Variants in ENPP1 observed in about 807,000 individuals in gnomAD.
ENPP1 encodes the protein ectonucleotide pyrophosphatase/phosphodiesterase 1, also known as ectonucleotide pyrophosphatase/phosphodiesterase family member 1.
In ENPP1, 73 loss-of-function variants were observed where a neutral mutation model predicts 122.8. That is an observed-to-expected ratio of 0.59 (90% CI 0.49 to 0.72). ENPP1 has a LOEUF of 0.72. ENPP1 is among the 30% of genes least tolerant of loss of function. The pLI, the probability that ENPP1 is intolerant of heterozygous loss-of-function variation, is 0.00. For synonymous variants in ENPP1, 367 were observed against 391.6 expected, an observed-to-expected ratio of 0.94 and a Z score of 0.74; for missense variants, 978 against 1,128.1, an observed-to-expected ratio of 0.87 and a Z score of 1.91.
At chr6:131,815,871 ATTTTTTTTTTT>A (rs750091125) in intron 1 of ENPP1, among the ~76,000 whole-genome samples, 1 of 115,842 alleles carries the variant, frequency 8.6e-6, no homozygotes, top group African/African-American at 3.4e-5. Flanking sequence ...CACCTGGCTA[ATTTTTTTTTTT>A]TTTTTTTTTT....
At chr6:131,890,226 G>A (rs1390751687) in intron 24 of ENPP1, 115 bp from the exon 25 acceptor site, 55 of 837,662 alleles carry the variant, frequency 6.6e-5, no homozygotes, top group East Asian at 4.2e-4. Flanking sequence ...CATGTGGCAC[G>A]TTCCACTTCA....
At chr6:131,875,102 T>C (rs1385293605) in intron 16 of ENPP1, among the ~76,000 whole-genome samples, 4 of 152,138 alleles carry the variant, frequency 2.6e-5, no homozygotes, top group African/African-American at 7.2e-5. Flanking sequence ...ATACCACTTA[T>C]TGGGTACAAT....
At chr6:131,882,544 A>G (rs1207834172) in intron 21 of ENPP1, 70 bp downstream of exon 21, 4 of 1,037,512 alleles carry the variant, frequency 3.9e-6, no homozygotes, top group Non-Finnish European at 5.7e-6. Flanking sequence ...AAATCCTACC[A>G]TACATTATAG....
chr6:131,834,839 G>T (rs751976846), intron 1 of ENPP1, among the ~76,000 whole-genome samples: 1 of 152,162 alleles, frequency 6.6e-6, no homozygotes, highest in East Asian at 1.9e-4. Context: ...GATTACAGGC[G>T]TGAGCCACCG....
At chr6:131,835,685 C>T (rs1360891952) in intron 1 of ENPP1, among the ~76,000 whole-genome samples, 1 of 152,072 alleles carries the variant, frequency 6.6e-6, no homozygotes, top group Non-Finnish European at 1.5e-5. Flanking sequence ...GTATTAAGCC[C>T]AGCATCCATT....
chr6:131,811,151 T>C (rs114282847), intron 1 of ENPP1, among the ~76,000 whole-genome samples: 1,738 of 152,194 alleles, frequency 0.011, 45 homozygotes, highest in African/African-American at 0.039. Flanking sequence ...TGGTGTGATT[T>C]TACAGTCATG....
chr6:131,884,919 A>C lies in ENPP1; in HGVS notation c.2312-12A>C. 1 of 1,614,018 alleles carries C rather than the reference A, an allele frequency of 6.2e-7. No individual in the cohort carries two copies. Among genetic ancestry groups the C allele is most frequent in the Non-Finnish European group, 8.5e-7 (1 of 1,179,868 alleles). On this transcript the variant is annotated splice_polypyrimidine_tract_variant and intron_variant, in intron 22 of 24. Transcript: ENST00000647893. ...TTCTTTTGAAACTACACTGGCTTCT[A>C]TCTTGTTTCAGTTATATGGCGCTAC...
In ENPP1 at chr6:131,808,044, C is replaced by G. The variant is rs1229316288; in HGVS notation, c.9C>G (p.Arg3=). Residue 3 remains arginine (R), a synonymous_variant, in exon 1 of 25, where the codon CGC becomes CGG. Transcript: ENST00000647893. ME[R]DGCAGGGSRG... ...GAGCGGCCGGGGCCACGATGGAGCG[C>G]GACGGCTGCGCGGGGGGCGGGAGCC... The G allele has an allele frequency of 1.1e-6, 1 of 943,476 alleles. No individual in the cohort carries two copies. Among genetic ancestry groups the G allele is most frequent in the African/African-American group, 2.1e-5 (1 of 46,606 alleles). The allele number at this position is 943,476 out of a possible 1,614,324, so 58.4% of individuals were successfully genotyped here. A position where few individuals can be genotyped will look rare whatever the true frequency, so the allele number is the denominator to read the frequency against.
intron 7 of ENPP1, 92 bp downstream of exon 7, chr6:131,858,839 C>A: frequency 1.0e-6 from 1 of 982,806 alleles, no homozygotes; most frequent in Non-Finnish European, 1.6e-6. Flanking sequence ...AAAAGAAAAA[C>A]AACTTATTTT....
chr6:131,826,740 T>C (rs1397121786), intron 1 of ENPP1: 4 of 501,258 alleles, frequency 8.0e-6, no homozygotes, highest in Non-Finnish European at 1.1e-5. Context: ...TTGTGGGATC[T>C]GGGAGAGGCT....
chr6:131,889,253 C>A (rs1448432711), intron 24 of ENPP1, among the ~76,000 whole-genome samples: 1 of 152,134 alleles, frequency 6.6e-6, no homozygotes, highest in South Asian at 2.1e-4. Flanking sequence ...TTCAGGGGTA[C>A]ATGTGCAGGA....
chr6:131,883,849 G>A, intron 22 of ENPP1, 75 bp downstream of exon 22: 1 of 780,034 alleles, frequency 1.3e-6, no homozygotes, highest in East Asian at 2.5e-5. Context: ...TATGTAATAG[G>A]ACTTATGGTC....
At chr6:131,812,975 G>A (rs1781371900) in intron 1 of ENPP1, among the ~76,000 whole-genome samples, 1 of 152,036 alleles carries the variant, frequency 6.6e-6, no homozygotes, top group Non-Finnish European at 1.5e-5. Flanking sequence ...AAGTAGCTGG[G>A]ATTACAGGCA....
In ENPP1 at chr6:131,844,506, T is replaced by C. The variant is rs1031990132; in HGVS notation, c.241-3270T>C. ...ACAGCAAAAGCATGTAGTTGTGTTG[T>C]TGCTTTGCCTCTCAGAGGTAAACCT... On this transcript the variant is annotated intron_variant, in intron 1 of 24. Transcript: ENST00000647893. Among the ~76,000 whole-genome samples, 10 of 152,116 alleles carry C rather than the reference T, an allele frequency of 6.6e-5. No homozygotes were observed. The East Asian group carries it at 1.9e-3, about 29-fold the overall frequency.
intron 19 of ENPP1, 121 bp downstream of exon 19, chr6:131,878,714 T>C (rs546118684): frequency 2.6e-6 from 2 of 761,068 alleles, no homozygotes; most frequent in African/African-American, 3.4e-5. Context: ...AAGGGAGTTC[T>C]GGAGGACCAC....
At chr6:131,874,543 G>A (rs1290218215) in intron 16 of ENPP1, among the ~76,000 whole-genome samples, 1 of 151,798 alleles carries the variant, frequency 6.6e-6, no homozygotes, top group African/African-American at 2.4e-5. Flanking sequence ...AAAAACAACA[G>A]ATGTAGTAAG....
At chr6:131,813,519 G>A (rs942770735) in intron 1 of ENPP1, among the ~76,000 whole-genome samples, 51 of 148,754 alleles carry the variant, frequency 3.4e-4, no homozygotes, top group Middle Eastern at 3.2e-3. Context: ...GACAGAGCAA[G>A]ACTCTGTCTC....
chr6:131,826,332 G>C, intron 1 of ENPP1: 2 of 1,360,894 alleles, frequency 1.5e-6, no homozygotes, highest in East Asian at 4.6e-5. Flanking sequence ...AGTGGTTATA[G>C]CTTAGATTCA....
At chr6:131,827,802 T>A (rs1585797733) in intron 1 of ENPP1, 1 of 999,696 alleles carries the variant, frequency 1.0e-6, no homozygotes, top group East Asian at 2.5e-5. Context: ...GGTGGGGCAA[T>A]GACTGCTTTC....
Sources: allele counts gnomAD v4.1 joint callset (sites outside exome capture counted in the v4.1 genomes callset), GRCh38; gene constraint gnomAD v4.1.1; transcripts MANE v1.5; gene names NCBI Gene and HGNC (gene_info 2026-07-23, HGNC 2026-07-21).